ADAMTS17: variants seen among roughly 807,000 people sequenced by gnomAD.
ADAMTS17 encodes A disintegrin and metalloproteinase with thrombospondin motifs 17.
In ADAMTS17, 113 loss-of-function variants were observed where a neutral mutation model predicts 141.5. The ratio of observed to expected loss-of-function variants is 0.80; its 90% confidence interval spans 0.69 to 0.93. ADAMTS17 has a LOEUF of 0.93. Among genes scored for constraint, ADAMTS17 ranks in the 40% least tolerant of loss-of-function variants. The pLI, the probability that ADAMTS17 is intolerant of heterozygous loss-of-function variation, is 0.00. For synonymous variants in ADAMTS17, 768 were observed against 630.6 expected, an observed-to-expected ratio of 1.22 and a Z score of -3.27; for missense variants, 1,659 against 1,517.9, an observed-to-expected ratio of 1.09 and a Z score of -1.54.
At chr15:99,975,790 C>T (rs1044551527) in intron 21 of ADAMTS17, among the ~76,000 whole-genome samples, 9 of 152,208 alleles carry the variant, frequency 5.9e-5, no homozygotes, top group Non-Finnish European at 1.3e-4. Context: ...GAACATTCTC[C>T]TGTGTTGGGC....
At chr15:100,230,932 G>A (rs537606277) in intron 7 of ADAMTS17, among the ~76,000 whole-genome samples, 61 of 152,264 alleles carry the variant, frequency 4.0e-4, no homozygotes, top group African/African-American at 1.4e-3. Flanking sequence ...CAGCCCACGG[G>A]GGGAGGAGAC....
intron 4 of ADAMTS17, among the ~76,000 whole-genome samples, chr15:100,275,034 G>C (rs1478151348): frequency 6.6e-6 from 1 of 152,140 alleles, no homozygotes; most frequent in Admixed American, 6.5e-5. Flanking sequence ...ATTCAGATGA[G>C]GACTACCCAG....
intron 12 of ADAMTS17, among the ~76,000 whole-genome samples, chr15:100,117,653 A>G (rs916049428): frequency 6.6e-6 from 1 of 152,068 alleles, no homozygotes; most frequent in Non-Finnish European, 1.5e-5. Context: ...CCGGAGTTCC[A>G]GACTGTGTTC....
At chr15:100,255,842 T>C (rs2043309489) in intron 6 of ADAMTS17, among the ~76,000 whole-genome samples, 1 of 152,186 alleles carries the variant, frequency 6.6e-6, no homozygotes, top group Non-Finnish European at 1.5e-5. Context: ...TCCACCTCCC[T>C]GCGTTCTCCC....
intron 20 of ADAMTS17, among the ~76,000 whole-genome samples, chr15:99,981,944 A>G (rs532126518): frequency 6.6e-6 from 1 of 152,288 alleles, no homozygotes; most frequent in African/African-American, 2.4e-5. Context: ...CAGAGTTTTG[A>G]TGGAGAGGCC....
chr15:100,321,661 C>T (rs12439503), intron 3 of ADAMTS17, among the ~76,000 whole-genome samples: 14,362 of 152,212 alleles, frequency 0.094, 1,123 homozygotes, highest in Admixed American at 0.25. Flanking sequence ...ACAGCTCATA[C>T]ACCTGTGTGC....
rs199501248 is a variant in ADAMTS17, at chr15:100,132,012, G to C, written c.1716C>G (p.Asn572Lys). The change falls in exon 12 of 22, where the codon AAC (asparagine) becomes AAG (lysine). Residue 572 changes from asparagine to lysine, a missense_variant. Physicochemically the swap from Asn to Lys is moderately conservative, Grantham distance 94. Transcript: ENST00000268070. ...TGGCTGGTCAGGGGACTTACGGGGG[G>C]TTGTCACATTTCCTCTGCCTGAAGC... Reference protein sequence around the residue: ...GARFRQRKCDNPPPGPGGTHC... With the variant: ...GARFRQRKCDKPPPGPGGTHC... The C allele has an allele frequency of 2.5e-6, 4 of 1,614,222 alleles. No individual in the cohort carries two copies. In the East Asian group the frequency reaches 6.7e-5, roughly 27 times the overall value.
chr15:100,052,243 G>A lies in ADAMTS17; in HGVS notation c.2296-512C>T, dbSNP rs539732715. 6.4e-4 allele frequency among the ~76,000 whole-genome samples: 96 copies of A among 149,658 alleles called. 1 individual carries two copies. Among genetic ancestry groups the A allele is most frequent in the Admixed American group, 1.5e-3 (23 of 15,074 alleles). ...TGCTGTGTCAGTTGGTCCAGAGTCA[G>A]GAGTAAGGCAAGCTCAAGGGCAAAA... On this transcript the variant is annotated intron_variant, in intron 16 of 21. Coordinates refer to ENST00000268070, the MANE Select transcript of ADAMTS17 (RefSeq NM_139057.4).
At position 100,012,867 on chromosome 15, in the gene ADAMTS17, G is replaced by C. The variant is rs191062486; in HGVS notation, c.2592-15278C>G. Reference sequence around the variant, plus strand: ...GCTTAGTCTTGCTTTGGCTATGCAGGCTCTTTTTTGGTTCCATATGAATTT... The same window carrying C: ...GCTTAGTCTTGCTTTGGCTATGCAGCCTCTTTTTTGGTTCCATATGAATTT... On this transcript the variant is annotated intron_variant, in intron 18 of 21. Coordinates refer to ENST00000268070, the MANE Select transcript of ADAMTS17 (RefSeq NM_139057.4). Among the ~76,000 whole-genome samples, 8 of 152,200 alleles carry C rather than the reference G, an allele frequency of 5.3e-5. No homozygotes were observed. In the East Asian group the frequency reaches 1.5e-3, roughly 29 times the overall value.
intron 15 of ADAMTS17, among the ~76,000 whole-genome samples, chr15:100,065,878 C>A (rs2033482730): frequency 6.6e-6 from 1 of 152,190 alleles, no homozygotes; most frequent in Non-Finnish European, 1.5e-5. Context: ...CCTTTTCCCC[C>A]ACCCCTCAAC....
At chr15:100,186,253 G>A (rs181433897) in intron 8 of ADAMTS17, among the ~76,000 whole-genome samples, 1 of 152,178 alleles carries the variant, frequency 6.6e-6, no homozygotes, top group Non-Finnish European at 1.5e-5. Flanking sequence ...ATGCCATCTG[G>A]AAAGCTGTAA....
At chr15:99,986,662 T>A (rs973811374) in intron 20 of ADAMTS17, among the ~76,000 whole-genome samples, 1 of 152,182 alleles carries the variant, frequency 6.6e-6, no homozygotes, top group Non-Finnish European at 1.5e-5. Flanking sequence ...AAAAACATCA[T>A]CCATTATAAT....
intron 4 of ADAMTS17, among the ~76,000 whole-genome samples, chr15:100,268,790 A>G (rs1443395064): frequency 6.6e-6 from 1 of 152,234 alleles, no homozygotes; most frequent in East Asian, 1.9e-4. Flanking sequence ...TCTAAACTTC[A>G]TATAGAACCA....
intron 7 of ADAMTS17, among the ~76,000 whole-genome samples, chr15:100,246,843 T>C (rs1428552649): frequency 1.3e-5 from 2 of 151,702 alleles, no homozygotes; most frequent in Non-Finnish European, 1.5e-5. Flanking sequence ...GTAAAGTATC[T>C]GTTCAAGTGG....
chr15:100,214,761 G>A (rs1442182956), intron 7 of ADAMTS17, among the ~76,000 whole-genome samples: 1 of 152,142 alleles, frequency 6.6e-6, no homozygotes, highest in African/African-American at 2.4e-5. Context: ...TTTCTTAATG[G>A]TATCTGTATT....
intron 10 of ADAMTS17, 57 bp downstream of exon 10, chr15:100,152,555 C>G: frequency 6.2e-7 from 1 of 1,601,504 alleles, no homozygotes; most frequent in African/African-American, 1.3e-5. Context: ...GCCAGACCTG[C>G]TGTGGGAGGG....
At chr15:100,179,308 A>G (rs1450436693) in intron 8 of ADAMTS17, among the ~76,000 whole-genome samples, 1 of 152,214 alleles carries the variant, frequency 6.6e-6, no homozygotes, top group Non-Finnish European at 1.5e-5. Context: ...CCAACAAATA[A>G]GTAGAACATG....
chr15:100,183,239 T>C (rs1248020123), intron 8 of ADAMTS17, among the ~76,000 whole-genome samples: 1 of 152,176 alleles, frequency 6.6e-6, no homozygotes, highest in Non-Finnish European at 1.5e-5. Flanking sequence ...TCTGCCTGCC[T>C]TGGCCTCCCC....
intron 3 of ADAMTS17, among the ~76,000 whole-genome samples, chr15:100,329,320 C>T (rs2045980712): frequency 6.6e-6 from 1 of 152,138 alleles, no homozygotes; most frequent in Admixed American, 6.5e-5. Flanking sequence ...GAGAGGATCA[C>T]TTGAGCCCAG....
Sources: allele counts gnomAD v4.1 joint callset (sites outside exome capture counted in the v4.1 genomes callset), GRCh38; gene constraint gnomAD v4.1.1; transcripts MANE v1.5; gene names NCBI Gene and HGNC (gene_info 2026-07-23, HGNC 2026-07-21).